GRIK3: variants seen among roughly 807,000 people sequenced by gnomAD.
The protein encoded by GRIK3 is glutamate receptor ionotropic, kainate 3.
In GRIK3, 29 loss-of-function variants were observed where a neutral mutation model predicts 102.5. That is an observed-to-expected ratio of 0.28 (90% confidence interval 0.21 to 0.39). The LOEUF is 0.39. GRIK3 is among the 10% of genes least tolerant of loss of function. The probability of loss-of-function intolerance (pLI) is 1.00; values close to 1 mark genes in which losing one functional copy is unlikely to be tolerated. For missense variants in GRIK3, 908 were observed against 1,252.4 expected (o/e 0.73, Z 4.15); for synonymous variants, 511 against 504.9 (o/e 1.01, Z -0.16).
At chr1:36,922,646 T>G (rs962381575) in intron 1 of GRIK3, among the ~76,000 whole-genome samples, 1 of 152,172 alleles carries the variant, frequency 6.6e-6, no homozygotes, top group African/African-American at 2.4e-5. Flanking sequence ...GAAGAAAACC[T>G]TCCTATGTTG....
chr1:36,916,150 C>G (rs1421508254), intron 1 of GRIK3, among the ~76,000 whole-genome samples: 1 of 152,130 alleles, frequency 6.6e-6, no homozygotes, highest in Non-Finnish European at 1.5e-5. Flanking sequence ...TATGTTTTAG[C>G]AAAGAGACTG....
intron 1 of GRIK3, among the ~76,000 whole-genome samples, chr1:37,014,844 ATCTTT>A (rs57927286): frequency 0.01 from 1,357 of 133,250 alleles, 15 homozygotes; most frequent in African/African-American, 0.021. Flanking sequence ...CTCTTTTCTT[ATCTTT>A]TCTTTTCTTT....
intron 1 of GRIK3, among the ~76,000 whole-genome samples, chr1:36,971,476 T>C (rs1642141025): frequency 6.6e-6 from 1 of 152,208 alleles, no homozygotes. Context: ...GGCCTGCTAA[T>C]TCCCTTTTTA....
At chr1:36,805,363 A>G (rs1642487052) in intron 14 of GRIK3, 126 bp from the exon 15 acceptor site, 1 of 921,174 alleles carries the variant, frequency 1.1e-6, no homozygotes, top group Non-Finnish European at 1.6e-6. Flanking sequence ...GGGGGTCCCT[A>G]TCCCTGTGAG....
At chr1:36,951,907 C>G (rs1363216755) in intron 1 of GRIK3, among the ~76,000 whole-genome samples, 2 of 152,142 alleles carry the variant, frequency 1.3e-5, no homozygotes, top group Non-Finnish European at 2.9e-5. Flanking sequence ...GCAGCTGCCC[C>G]ATGCTCTGCC....
intron 1 of GRIK3, among the ~76,000 whole-genome samples, chr1:36,965,209 A>G (rs488959): frequency 0.36 from 54,020 of 152,026 alleles, 11,173 homozygotes; most frequent in African/African-American, 0.58. Context: ...CGGTACCCAA[A>G]GTCCTCGCGG....
intron 11 of GRIK3, among the ~76,000 whole-genome samples, chr1:36,820,436 A>G (rs1311510652): frequency 6.6e-6 from 1 of 152,228 alleles, no homozygotes; most frequent in Admixed American, 6.5e-5. Flanking sequence ...ACAGACTCCT[A>G]AAGACATAAC....
In GRIK3 at chr1:36,827,144, A is replaced by G. The variant is rs114078667; in HGVS notation, c.1531-1318T>C. On this transcript the variant is annotated intron_variant, in intron 10 of 15. Coordinates refer to ENST00000373091, the MANE Select transcript of GRIK3 (RefSeq NM_000831.4). ...GCCAGCTCTGCTTTGCTTGAATGGC[A>G]GTCTGTGCTCCATGCGACCTTGTGT... Among the ~76,000 whole-genome samples, 1,402 of 152,294 alleles carry G rather than the reference A, an allele frequency of 9.2e-3. 24 individuals are homozygous for G. The highest frequency in any genetic ancestry group is 0.028 in the African/African-American group (1,153 of 41,566).
chr1:37,026,823 T>A (rs551360687), intron 1 of GRIK3, among the ~76,000 whole-genome samples: 1 of 151,422 alleles, frequency 6.6e-6, no homozygotes, highest in South Asian at 2.1e-4. Context: ...TTTCTTGGAG[T>A]GCCAAGAAAG....
In GRIK3 at chr1:36,801,834, C is replaced by A. The variant is rs560829617; in HGVS notation, c.*17G>T. On this transcript the variant is annotated 3_prime_UTR_variant, in exon 16 of 16. Coordinates refer to ENST00000373091, the MANE Select transcript of GRIK3 (RefSeq NM_000831.4). ...TCTGCCCAGCCCCCAGGCCTGAGGTCCCCACCCCAGCTGTGCCTAGGGGAA... is the reference window on the plus strand; with the variant it reads ...TCTGCCCAGCCCCCAGGCCTGAGGTACCCACCCCAGCTGTGCCTAGGGGAA... 9 of 1,578,368 alleles carry A rather than the reference C, an allele frequency of 5.7e-6. No individual in the cohort carries two copies. In the South Asian group the frequency reaches 9.4e-5, roughly 16 times the overall value.
At chr1:37,005,740 A>T (rs894724645) in intron 1 of GRIK3, among the ~76,000 whole-genome samples, 1 of 152,180 alleles carries the variant, frequency 6.6e-6, no homozygotes, top group Non-Finnish European at 1.5e-5. Flanking sequence ...TTAATTGAGC[A>T]CCTACAATGT....
intron 1 of GRIK3, among the ~76,000 whole-genome samples, chr1:36,944,968 G>C (rs1221369604): frequency 6.6e-6 from 1 of 152,232 alleles, no homozygotes; most frequent in Non-Finnish European, 1.5e-5. Context: ...AGGGCCAGCT[G>C]CTGAGCCTGG....
chr1:36,855,194 A>G (rs1245765998), intron 7 of GRIK3, among the ~76,000 whole-genome samples: 5 of 152,160 alleles, frequency 3.3e-5, no homozygotes, highest in African/African-American at 1.2e-4. Context: ...GCACGGGGCA[A>G]TGGAAGGTCT....
chr1:36,971,541 C>T (rs970648676), intron 1 of GRIK3, among the ~76,000 whole-genome samples: 14 of 152,172 alleles, frequency 9.2e-5, no homozygotes, highest in African/African-American at 3.4e-4. Context: ...AGTCTAAGTC[C>T]TCCCCTCTGT....
At chr1:36,979,904 A>G (rs1215105256) in intron 1 of GRIK3, among the ~76,000 whole-genome samples, 1 of 152,186 alleles carries the variant, frequency 6.6e-6, no homozygotes, top group Non-Finnish European at 1.5e-5. Flanking sequence ...GAGAGAAAGA[A>G]TGTTCCCTAG....
intron 5 of GRIK3, 79 bp from the exon 6 acceptor site, chr1:36,860,096 A>G: frequency 8.8e-7 from 1 of 1,131,170 alleles, no homozygotes; most frequent in Non-Finnish European, 1.3e-6. Context: ...CCACTCCCTA[A>G]TCAGGGCCGC....
chr1:36,876,861 T>A (rs1420560346), intron 3 of GRIK3, among the ~76,000 whole-genome samples: 1 of 152,192 alleles, frequency 6.6e-6, no homozygotes, highest in Non-Finnish European at 1.5e-5. Context: ...GACTCCCCTA[T>A]GTTTTAAATA....
chr1:36,952,044 C>T lies in GRIK3; in HGVS notation c.116-60948G>A, dbSNP rs151020205. On this transcript the variant is annotated intron_variant, in intron 1 of 15. Transcript: ENST00000373091. ...ACAGACTGTCAGCACAGGGCCTGCC[C>T]GGCTTTGCAGATGCAGAAACAGGGT... is the stretch of plus-strand genomic sequence containing the variant. 1.9e-3 allele frequency among the ~76,000 whole-genome samples: 285 copies of T among 152,286 alleles called. 1 individual carries two copies. The highest frequency in any genetic ancestry group is 6.2e-3 in the African/African-American group (256 of 41,546).
At chr1:36,861,353 A>G (rs111342542) in intron 5 of GRIK3, among the ~76,000 whole-genome samples, 13 of 152,186 alleles carry the variant, frequency 8.5e-5, no homozygotes, top group African/African-American at 3.1e-4. Flanking sequence ...TCTACTGTCT[A>G]TACTCTCCCA....
Sources: allele counts gnomAD v4.1 joint callset (sites outside exome capture counted in the v4.1 genomes callset), GRCh38; gene constraint gnomAD v4.1.1; transcripts MANE v1.5; gene names NCBI Gene and HGNC (gene_info 2026-07-23, HGNC 2026-07-21).